Variants in KCTD8 observed in about 807,000 individuals in gnomAD.
KCTD8 encodes BTB/POZ domain-containing protein KCTD8.
In KCTD8, 27 loss-of-function variants were observed where a neutral mutation model predicts 31.5. That is an observed-to-expected ratio of 0.86 (90% CI 0.63 to 1.18). The LOEUF (loss-of-function observed/expected upper bound fraction) is 1.18, where lower values mean the gene tolerates loss of function less well. KCTD8 is among the 50% of genes most tolerant of loss of function. The pLI, the probability that KCTD8 is intolerant of heterozygous loss-of-function variation, is 0.00. For synonymous variants in KCTD8, 290 were observed against 280.0 expected, an observed-to-expected ratio of 1.04 and a Z score of -0.36; for missense variants, 658 against 647.7, an observed-to-expected ratio of 1.02 and a Z score of -0.17.
At chr4:44,197,192 G>T (rs1175274438) in intron 1 of KCTD8, among the ~76,000 whole-genome samples, 1 of 152,198 alleles carries the variant, frequency 6.6e-6, no homozygotes, top group Non-Finnish European at 1.5e-5. Flanking sequence ...AGGAGAGAAG[G>T]CCCCACTCTC....
At chr4:44,393,856 AT>A (rs1449786555) in intron 1 of KCTD8, among the ~76,000 whole-genome samples, 1 of 151,796 alleles carries the variant, frequency 6.6e-6, no homozygotes, top group African/African-American at 2.4e-5. Flanking sequence ...TAAAGAGCTT[AT>A]TTTTGCCATT....
intron 1 of KCTD8, among the ~76,000 whole-genome samples, chr4:44,380,770 T>A (rs890713451): frequency 1.3e-5 from 2 of 151,942 alleles, no homozygotes; most frequent in Non-Finnish European, 2.9e-5. Flanking sequence ...TATTTTATGT[T>A]TTATGTCTAG....
intron 1 of KCTD8, among the ~76,000 whole-genome samples, chr4:44,401,499 T>C (rs1020096857): frequency 6.6e-6 from 1 of 151,980 alleles, no homozygotes; most frequent in South Asian, 2.1e-4. Flanking sequence ...CCTCACAAGA[T>C]GAAAAAGAAC....
intron 1 of KCTD8, among the ~76,000 whole-genome samples, chr4:44,440,701 C>A (rs1721791194): frequency 6.6e-6 from 1 of 152,202 alleles, no homozygotes; most frequent in South Asian, 2.1e-4. Context: ...TGGCCTTAGC[C>A]TCTGCCCTGA....
chr4:44,447,702 GGTGAACTTGAGGTAGAAGCGGGAC>G lies in KCTD8; in HGVS notation c.798_821del (p.Ser267_Thr274del). On this transcript the variant is annotated inframe_deletion, in exon 1 of 2. Coordinates refer to ENST00000360029, the MANE Select transcript of KCTD8 (RefSeq NM_198353.3). ...GGCGATCAAAGGCCTGCTCCAAGTA[GGTGAACTTGAGGTAGAAGCGGGAC>G]GTGTACTTCTCCGGCTGCCGGTCGG... 6.2e-7 allele frequency: 1 copy of G among 1,612,696 alleles called. No individual in the cohort carries two copies. The highest frequency in any genetic ancestry group is 1.3e-5 in the African/African-American group (1 of 75,056).
chr4:44,320,170 CAAAAAAAA>C lies in KCTD8; in HGVS notation c.961+127385_961+127392del, dbSNP rs35250421. On this transcript the variant is annotated intron_variant, in intron 1 of 1. Transcript: ENST00000360029. ...TGGGTGACAGAGCAAGCCTCCATCT[CAAAAAAAA>C]AAAAAAAAAAAAAAAAAAAAAGAGA... Among the ~76,000 whole-genome samples, 174 of 31,910 alleles carry C rather than the reference CAAAAAAAA, an allele frequency of 5.5e-3. 1 individual carries two copies. Among genetic ancestry groups the C allele is most frequent in the African/African-American group, 0.02 (147 of 7,370 alleles). The allele number at this position is 31,910 out of a possible 152,430, so 20.9% of individuals were successfully genotyped here.
intron 1 of KCTD8, among the ~76,000 whole-genome samples, chr4:44,384,471 T>C (rs1720156135): frequency 6.6e-6 from 1 of 151,916 alleles, no homozygotes; most frequent in African/African-American, 2.4e-5. Context: ...TGAAATCCTG[T>C]TATTTGCAGC....
At chr4:44,270,196 G>A (rs1384343803) in intron 1 of KCTD8, among the ~76,000 whole-genome samples, 4 of 152,040 alleles carry the variant, frequency 2.6e-5, no homozygotes, top group Non-Finnish European at 5.9e-5. Context: ...ATACACCATG[G>A]AATGCTATGC....
chr4:44,327,804 G>C (rs60162742), intron 1 of KCTD8, among the ~76,000 whole-genome samples: 2,973 of 151,822 alleles, frequency 0.02, 130 homozygotes, highest in African/African-American at 0.068. Flanking sequence ...AAATGAAGTA[G>C]ATCCTAACTC....
At chr4:44,339,572 G>C (rs1411894892) in intron 1 of KCTD8, among the ~76,000 whole-genome samples, 1 of 152,050 alleles carries the variant, frequency 6.6e-6, no homozygotes, top group Admixed American at 6.6e-5. Context: ...AAAATGAGTA[G>C]ACATTTCTGT....
chr4:44,447,829 A>T lies in KCTD8; in HGVS notation c.695T>A (p.Val232Glu). Residue 232 changes from valine (V) to glutamate (E), a missense_variant, in exon 1 of 2, where the codon GTG (valine) becomes GAG (glutamate). Transcript: ENST00000360029. ...GCGCCCGCACACCATGATGCGCGCCACACGCCGGAATTTGGCGTCGGCCTG... is the reference window on the plus strand; with the variant it reads ...GCGCCCGCACACCATGATGCGCGCCTCACGCCGGAATTTGGCGTCGGCCTG... ...DNQADAKFRR[V>E]ARIMVCGRIA... 6.3e-7 allele frequency: 1 copy of T among 1,597,004 alleles called. No individual in the cohort carries two copies. Among genetic ancestry groups the T allele is most frequent in the Non-Finnish European group, 8.5e-7 (1 of 1,170,100 alleles).
intron 1 of KCTD8, among the ~76,000 whole-genome samples, chr4:44,190,569 C>T (rs774799380): frequency 6.6e-6 from 1 of 152,134 alleles, no homozygotes; most frequent in Non-Finnish European, 1.5e-5. Context: ...ACCAAATCAG[C>T]CCCCTAATCT....
chr4:44,401,011 C>CTTTTTTTTTTT (rs59602420), intron 1 of KCTD8, among the ~76,000 whole-genome samples: 13 of 95,918 alleles, frequency 1.4e-4, no homozygotes, highest in African/African-American at 2.8e-4. Flanking sequence ...AATTTTCTTT[C>CTTTTTTTTTTT]TTTTTTTTTT....
chr4:44,176,497 T>C (rs966643833), intron 1 of KCTD8, among the ~76,000 whole-genome samples: 2 of 152,202 alleles, frequency 1.3e-5, no homozygotes, highest in Non-Finnish European at 2.9e-5. Context: ...ATAGCCAACA[T>C]GGGCAGTTGA....
chr4:44,252,264 A>C (rs1446483487), intron 1 of KCTD8, among the ~76,000 whole-genome samples: 1 of 151,548 alleles, frequency 6.6e-6, no homozygotes, highest in African/African-American at 2.4e-5. Context: ...TTATCTACTC[A>C]TTGATTGATG....
chr4:44,196,397 T>C (rs1158025134), intron 1 of KCTD8, among the ~76,000 whole-genome samples: 1 of 152,180 alleles, frequency 6.6e-6, no homozygotes, highest in African/African-American at 2.4e-5. Context: ...GGAATACAAA[T>C]TGTGTAATTT....
intron 1 of KCTD8, among the ~76,000 whole-genome samples, chr4:44,340,999 T>A (rs1718883275): frequency 6.6e-6 from 1 of 151,956 alleles, no homozygotes; most frequent in South Asian, 2.1e-4. Context: ...ATGAAGAAAA[T>A]TTAAAGTCTA....
intron 1 of KCTD8, among the ~76,000 whole-genome samples, chr4:44,292,009 A>G (rs920495774): frequency 7.9e-5 from 12 of 151,884 alleles, no homozygotes; most frequent in African/African-American, 2.7e-4. Context: ...CTGTGGAGAA[A>G]GAACACTTAT....
intron 1 of KCTD8, among the ~76,000 whole-genome samples, chr4:44,284,198 C>T (rs1187994864): frequency 1.3e-5 from 2 of 152,164 alleles, no homozygotes; most frequent in African/African-American, 2.4e-5. Flanking sequence ...AAGAACAAAG[C>T]TGAACGCATC....
Sources: gnomAD v4.1 joint callset for allele counts (sites outside exome capture counted in the v4.1 genomes callset) on GRCh38, gnomAD v4.1.1 for gene constraint, MANE v1.5 for transcripts, NCBI Gene and HGNC (gene_info 2026-07-23, HGNC 2026-07-21) for gene names.